The following CACNA1C variants were observed in gnomAD, a reference collection of about 807,000 sequenced individuals.
CACNA1C encodes calcium voltage-gated channel subunit alpha1 C.
Under a neutral mutation model 229.0 loss-of-function variants are expected in CACNA1C, and 30 were observed. The observed-to-expected ratio is 0.13, with a 90% CI of 0.10 to 0.18. The LOEUF is 0.18. Ranked by LOEUF, CACNA1C falls within the 10% of genes least tolerant of loss-of-function variation. CACNA1C has a pLI of 1.00. For synonymous variants in CACNA1C, 1,114 were observed against 1,132.5 expected (o/e 0.98, Z 0.33); for missense variants, 1,658 against 2,845.0 (o/e 0.58, Z 9.49).
At chr12:2,200,540 T>C (rs1348213357) in intron 3 of CACNA1C, among the ~76,000 whole-genome samples, 1 of 152,118 alleles carries the variant, frequency 6.6e-6, no homozygotes, top group Non-Finnish European at 1.5e-5. Flanking sequence ...GTGTCAATAG[T>C]GTGAGGTTGA....
intron 1 of CACNA1C, among the ~76,000 whole-genome samples, chr12:2,099,088 CG>C (rs2075382607): frequency 6.6e-6 from 1 of 152,214 alleles, no homozygotes; most frequent in Non-Finnish European, 1.5e-5. Flanking sequence ...CACTCTGGAC[CG>C]GGGCTTAGTC....
intron 3 of CACNA1C, among the ~76,000 whole-genome samples, chr12:2,426,629 C>T (rs2099035021): frequency 1.3e-5 from 2 of 152,234 alleles, no homozygotes; most frequent in Non-Finnish European, 2.9e-5. Flanking sequence ...CATTTATTAA[C>T]TTACATTTCT....
chr12:2,008,581 T>C (rs1321361755), intron 1 of CACNA1C, among the ~76,000 whole-genome samples: 2 of 152,224 alleles, frequency 1.3e-5, no homozygotes, highest in Non-Finnish European at 2.9e-5. Context: ...ACTCATTAAA[T>C]GTCAGCATTT....
intron 3 of CACNA1C, among the ~76,000 whole-genome samples, chr12:2,142,480 A>C (rs760865434): frequency 7.9e-5 from 12 of 151,366 alleles, no homozygotes; most frequent in Admixed American, 4.0e-4. Context: ...TTACGTATTT[A>C]CTGTGCTATA....
At chr12:2,352,399 G>T (rs1389495115) in intron 3 of CACNA1C, among the ~76,000 whole-genome samples, 1 of 152,182 alleles carries the variant, frequency 6.6e-6, no homozygotes, top group East Asian at 1.9e-4. Context: ...AAAATAAGCT[G>T]CCTGCATTTG....
intron 3 of CACNA1C, among the ~76,000 whole-genome samples, chr12:2,265,798 C>A (rs957898613): frequency 3.9e-5 from 6 of 152,234 alleles, no homozygotes; most frequent in African/African-American, 1.4e-4. Flanking sequence ...GGGCCTCAGT[C>A]TCCCACAGAG....
chr12:2,432,227 G>A (rs1300204052), intron 3 of CACNA1C, among the ~76,000 whole-genome samples: 1 of 152,228 alleles, frequency 6.6e-6, no homozygotes, highest in African/African-American at 2.4e-5. Flanking sequence ...GCCTGATTTG[G>A]AGGAGAGGCG....
rs1394466832 is a variant in CACNA1C, at chr12:2,348,507, A to G, written c.478-100469A>G. 6.6e-6 allele frequency among the ~76,000 whole-genome samples: 1 copy of G among 152,150 alleles called. No individual in the cohort carries two copies. The highest frequency in any genetic ancestry group is 1.5e-5 in the Non-Finnish European group (1 of 68,018). ...CCACAGCACCTGGTTTAGGGCTACA[A>G]ATAGTCTCCCCGAGGGAATGGGCTC... On this transcript the variant is annotated intron_variant, in intron 3 of 46. Coordinates refer to ENST00000399655, the MANE Select transcript of CACNA1C (RefSeq NM_000719.7). The surrounding 1 kb of genome is among the most constrained non-coding windows in gnomAD (Gnocchi z 4.7).
At chr12:2,584,432 A>G in intron 15 of CACNA1C, 71 bp from the exon 16 acceptor site, 1 of 1,056,254 alleles carries the variant, frequency 9.5e-7, no homozygotes, top group Non-Finnish European at 1.5e-6. Context: ...CACGCCCCAC[A>G]TCCCCCGTGC....
intron 1 of CACNA1C, among the ~76,000 whole-genome samples, chr12:2,106,518 C>T (rs1318581803): frequency 1.0e-5 from 1 of 97,368 alleles, no homozygotes; most frequent in African/African-American, 3.8e-5. Flanking sequence ...GCTGGGTGTC[C>T]TGAAGCCACT....
At chr12:2,005,372 ATGTTTT>A (rs2154480825) in intron 1 of CACNA1C, among the ~76,000 whole-genome samples, 1 of 152,352 alleles carries the variant, frequency 6.6e-6, no homozygotes, top group African/African-American at 2.4e-5. Context: ...GGCCGAATTC[ATGTTTT>A]TATTTTTATT....
In CACNA1C at chr12:2,696,430, A is replaced by T. The variant is rs898534091; in HGVS notation, c.*5231A>T. On this transcript the variant is annotated 3_prime_UTR_variant, in exon 47 of 47. Transcript: ENST00000399655. ...ATCAGTTACTGGCTGCTACACAGGG[A>T]CACCCCCACCTTTTCAGGGCATCCC... 6.6e-6 allele frequency: 1 copy of T among 152,242 alleles called. No homozygotes were observed. 9.4% of individuals were successfully genotyped at this position (152,242 alleles called of 1,614,324 possible).
rs1487233045 is a variant in CACNA1C at position 2,585,065 on chromosome 12, C to T, written c.2340-311C>T. ...GGACAGTTCCAGGCCACACAGCTGC[C>T]GGGCACTGAGCAGAGCTCCTCCAGG... On this transcript the variant is annotated intron_variant, in intron 16 of 46. Transcript: ENST00000399655. This position sits in a 1 kb window ranked among gnomAD's most constrained non-coding sequence, Gnocchi z 4.1. 6.6e-6 allele frequency among the ~76,000 whole-genome samples: 1 copy of T among 152,274 alleles called. No homozygotes were observed. The highest frequency in any genetic ancestry group is 2.4e-5 in the African/African-American group (1 of 41,564).
At chr12:2,352,371 A>T (rs570099939) in intron 3 of CACNA1C, among the ~76,000 whole-genome samples, 79 of 152,358 alleles carry the variant, frequency 5.2e-4, no homozygotes, top group African/African-American at 1.9e-3. Context: ...TGCTAAAAAA[A>T]GTCTTCATCA....
chr12:2,605,876 C>T lies in CACNA1C; in HGVS notation c.3156+90C>T. On this transcript the variant is annotated intron_variant, in intron 24 of 46. Coordinates refer to ENST00000399655, the MANE Select transcript of CACNA1C (RefSeq NM_000719.7). The surrounding 1 kb of genome is among the most constrained non-coding windows in gnomAD (Gnocchi z 6.2). ...ACTGGCAGATATAGTACAAACGAGA[C>T]AGTGTCCTGAGCCAGACTTGGCTTG... 1 of 914,304 alleles carries T rather than the reference C, an allele frequency of 1.1e-6. No homozygotes were observed. The highest frequency in any genetic ancestry group is 1.6e-5 in the African/African-American group (1 of 61,508). 56.6% of individuals were successfully genotyped at this position (914,304 alleles called of 1,614,324 possible).
chr12:2,220,026 C>T (rs1372171991), intron 3 of CACNA1C, among the ~76,000 whole-genome samples: 1 of 152,186 alleles, frequency 6.6e-6, no homozygotes, highest in Non-Finnish European at 1.5e-5. Flanking sequence ...TCCTCAGATG[C>T]TGAGGGAAAT....
intron 5 of CACNA1C, among the ~76,000 whole-genome samples, chr12:2,484,998 A>G (rs949820899): frequency 6.6e-6 from 1 of 151,784 alleles, no homozygotes; most frequent in African/African-American, 2.4e-5. Context: ...CCAGAATGAA[A>G]AGCACCAACA....
chr12:2,525,096 A>G (rs187322356), intron 9 of CACNA1C, among the ~76,000 whole-genome samples: 135 of 152,312 alleles, frequency 8.9e-4, no homozygotes, highest in Non-Finnish European at 8.2e-4. Flanking sequence ...ATCAGGACAG[A>G]AAGACTGGGA....
At chr12:2,235,347 C>G (rs2066935775) in intron 3 of CACNA1C, among the ~76,000 whole-genome samples, 1 of 152,248 alleles carries the variant, frequency 6.6e-6, no homozygotes, top group African/African-American at 2.4e-5. Context: ...CGGGGTCCAA[C>G]ACAGATTTTC....
Sources: allele counts gnomAD v4.1 joint callset (sites outside exome capture counted in the v4.1 genomes callset), GRCh38; gene constraint gnomAD v4.1.1; non-coding constraint Gnocchi (gnomAD v3.1); transcripts MANE v1.5; gene names NCBI Gene and HGNC (gene_info 2026-07-23, HGNC 2026-07-21).